RGS6: variants seen among roughly 807,000 people sequenced by gnomAD.
RGS6 encodes regulator of G protein signaling 6.
Under a neutral mutation model 78.5 loss-of-function variants are expected in RGS6, and 30 were observed. The observed-to-expected ratio is 0.38, with a 90% CI of 0.29 to 0.52. The LOEUF is 0.52. RGS6 is among the 20% of genes least tolerant of loss of function. The pLI is 0.85. For missense variants in RGS6, 495 were observed against 609.7 expected (o/e 0.81, Z 1.98); for synonymous variants, 206 against 206.0 (o/e 1.00, Z 0.00).
intron 2 of RGS6, among the ~76,000 whole-genome samples, chr14:72,291,132 C>T (rs936105936): frequency 1.6e-4 from 24 of 151,862 alleles, no homozygotes; most frequent in African/African-American, 5.6e-4. Flanking sequence ...TGTTTCAACT[C>T]GTCATTCCCT....
chr14:72,143,757 A>T (rs2096571913), intron 2 of RGS6, among the ~76,000 whole-genome samples: 1 of 152,236 alleles, frequency 6.6e-6, no homozygotes, highest in African/African-American at 2.4e-5. Context: ...TTAGTCTTAA[A>T]TTCTACCTTT....
intron 2 of RGS6, among the ~76,000 whole-genome samples, chr14:72,344,682 A>G (rs966523483): frequency 3.3e-5 from 5 of 152,216 alleles, no homozygotes; most frequent in African/African-American, 1.2e-4. Flanking sequence ...GTGGTGAGCA[A>G]ACCACTCTAA....
At chr14:72,062,443 T>G (rs1486668979) in intron 2 of RGS6, among the ~76,000 whole-genome samples, 1 of 152,166 alleles carries the variant, frequency 6.6e-6, no homozygotes, top group Non-Finnish European at 1.5e-5. Context: ...TGTTGGAAAC[T>G]GATGTAGTCT....
chr14:72,443,019 C>T (rs914242138), intron 3 of RGS6, among the ~76,000 whole-genome samples: 6 of 152,120 alleles, frequency 3.9e-5, no homozygotes, highest in African/African-American at 7.2e-5. Flanking sequence ...ATTCCTGAAC[C>T]GTCCAGGGCT....
chr14:72,321,631 T>C (rs564468340), intron 2 of RGS6, among the ~76,000 whole-genome samples: 25 of 152,164 alleles, frequency 1.6e-4, no homozygotes, highest in African/African-American at 5.8e-4. Flanking sequence ...TGTGATAAGA[T>C]GTATCATTCA....
chr14:72,363,208 C>T (rs941299251), intron 3 of RGS6, among the ~76,000 whole-genome samples: 8 of 152,098 alleles, frequency 5.3e-5, no homozygotes, highest in African/African-American at 1.9e-4. Flanking sequence ...AGATGGACTG[C>T]CGTCAGAGGT....
At position 71,983,662 on chromosome 14, in the gene RGS6, G is replaced by A. The variant is rs78844741; in HGVS notation, c.84+18787G>A. Among the ~76,000 whole-genome samples, 652 of 152,214 alleles carry A rather than the reference G, an allele frequency of 4.3e-3. 4 individuals are homozygous for A. The highest frequency in any genetic ancestry group is 0.015 in the African/African-American group (612 of 41,528). ...TTGTCCTACCTCACCTTCCTCATGTGCCTACCTCTGTGTTTCACATGGCCT... is the reference window on the plus strand; with the variant it reads ...TTGTCCTACCTCACCTTCCTCATGTACCTACCTCTGTGTTTCACATGGCCT... On this transcript the variant is annotated intron_variant, in intron 2 of 17. Coordinates refer to ENST00000553525, the MANE Select transcript of RGS6 (RefSeq NM_001204424.2).
At chr14:71,912,231 G>C in the RGS6 span, among the ~76,000 whole-genome samples, 2 of 152,270 alleles carry the variant, frequency 1.3e-5, no homozygotes, top group South Asian at 4.2e-4. Context: ...GAGTCTAATC[G>C]TGATTAGCAA....
chr14:72,534,251 AT>A (rs1477160354), intron 15 of RGS6, among the ~76,000 whole-genome samples: 1 of 152,226 alleles, frequency 6.6e-6, no homozygotes, highest in Non-Finnish European at 1.5e-5. Context: ...ACAATAAAGT[AT>A]TTTTTAATTA....
At chr14:72,540,689 CAT>C (rs780660485) in intron 17 of RGS6, 73 of 1,372,782 alleles carry the variant, frequency 5.3e-5, no homozygotes, top group Admixed American at 1.7e-4. Flanking sequence ...CCATCAGCCT[CAT>C]GTGCACAGTG....
At chr14:72,069,340 T>C (rs2153452548) in intron 2 of RGS6, among the ~76,000 whole-genome samples, 1 of 152,308 alleles carries the variant, frequency 6.6e-6, no homozygotes, top group African/African-American at 2.4e-5. Flanking sequence ...TTATATACCC[T>C]ATTTCTCTCT....
intron 2 of RGS6, among the ~76,000 whole-genome samples, chr14:72,014,535 G>T (rs2086558292): frequency 6.6e-6 from 1 of 152,218 alleles, no homozygotes; most frequent in African/African-American, 2.4e-5. Flanking sequence ...GATGAGGGCA[G>T]AGAGTGCTGG....
At chr14:72,522,408 C>G (rs111332778) in intron 15 of RGS6, among the ~76,000 whole-genome samples, 1 of 152,128 alleles carries the variant, frequency 6.6e-6, no homozygotes, top group African/African-American at 2.4e-5. Flanking sequence ...CACAACAGGG[C>G]GATTTTGCAA....
chr14:72,151,262 A>T (rs1817212625), intron 2 of RGS6, among the ~76,000 whole-genome samples: 1 of 152,186 alleles, frequency 6.6e-6, no homozygotes, highest in Admixed American at 6.5e-5. Context: ...TTCCTACGAC[A>T]ATAGGGGATT....
chr14:72,427,605 G>A (rs755725646), intron 3 of RGS6, among the ~76,000 whole-genome samples: 3 of 152,054 alleles, frequency 2.0e-5, no homozygotes, highest in Non-Finnish European at 4.4e-5. Flanking sequence ...TAGGTGGCAG[G>A]GATGGAGGAG....
At chr14:72,351,451 C>T (rs1169222618) in intron 2 of RGS6, among the ~76,000 whole-genome samples, 1 of 152,132 alleles carries the variant, frequency 6.6e-6, no homozygotes, top group Admixed American at 6.5e-5. Flanking sequence ...CATGGTCTTA[C>T]CAAAAGGAGA....
At chr14:72,062,508 T>C (rs2093943159) in intron 2 of RGS6, among the ~76,000 whole-genome samples, 1 of 152,170 alleles carries the variant, frequency 6.6e-6, no homozygotes, top group Non-Finnish European at 1.5e-5. Flanking sequence ...TGAGTCCAAA[T>C]TGGAGATGAT....
intron 2 of RGS6, among the ~76,000 whole-genome samples, chr14:72,157,266 T>C (rs2096785948): frequency 6.6e-6 from 1 of 152,182 alleles, no homozygotes; most frequent in Non-Finnish European, 1.5e-5. Context: ...AGTGGACTCC[T>C]AGGAACAAGA....
At position 72,382,197 on chromosome 14, in the gene RGS6, A is replaced by G. The variant is rs545682660; in HGVS notation, c.184+30003A>G. Among the ~76,000 whole-genome samples, 161 of 152,286 alleles carry G rather than the reference A, an allele frequency of 1.1e-3. 1 individual carries two copies. Among genetic ancestry groups the G allele is most frequent in the African/African-American group, 3.8e-3 (156 of 41,576 alleles). On this transcript the variant is annotated intron_variant, in intron 3 of 17. Coordinates refer to ENST00000553525, the MANE Select transcript of RGS6 (RefSeq NM_001204424.2). ...TTGGAAGAAGATATTTGCAGCACACACCAACAAAGCATTAGAATCATGAAT... is the reference window on the plus strand; with the variant it reads ...TTGGAAGAAGATATTTGCAGCACACGCCAACAAAGCATTAGAATCATGAAT...
Sources: gnomAD v4.1 joint callset for allele counts (sites outside exome capture counted in the v4.1 genomes callset) on GRCh38, gnomAD v4.1.1 for gene constraint, MANE v1.5 for transcripts, NCBI Gene and HGNC (gene_info 2026-07-23, HGNC 2026-07-21) for gene names.